CNTLN: variants seen among roughly 807,000 people sequenced by gnomAD.
CNTLN encodes the protein centlein.
A neutral mutation model predicts 180.0 loss-of-function variants in CNTLN; 212 were observed. The ratio of observed to expected loss-of-function variants is 1.18; its 90% CI spans 1.05 to 1.32. CNTLN has a LOEUF of 1.32. CNTLN is among the 40% of genes most tolerant of loss of function. The pLI is 0.00. For synonymous variants in CNTLN, 722 were observed against 563.1 expected (o/e 1.28, Z -3.99); for missense variants, 2,095 against 1,610.9 (o/e 1.30, Z -5.14).
chr9:17,528,324 C>T, the CNTLN span, among the ~76,000 whole-genome samples: 1 of 152,354 alleles, frequency 6.6e-6, no homozygotes, highest in Non-Finnish European at 1.5e-5. Flanking sequence ...TGTACCTTCA[C>T]ATGCTGTGAT....
At position 17,301,825 on chromosome 9, in the gene CNTLN, G is replaced by C. The variant is rs573490556; in HGVS notation, c.1146+3473G>C. 9.2e-6 allele frequency: 9 copies of C among 980,724 alleles called. No homozygotes were observed. In the South Asian group the frequency reaches 3.8e-4, roughly 41 times the overall value. The allele number at this position is 980,724 out of a possible 1,614,324, so 60.8% of individuals were successfully genotyped here. On this transcript the variant is annotated intron_variant, in intron 7 of 25. Coordinates refer to ENST00000380647, the MANE Select transcript of CNTLN (RefSeq NM_017738.4). ...AAGTCTTTTATAATTCCATCTCCCA[G>C]AGGCAAATACTGTGAACATTTTGAA...
At chr9:17,171,563 C>T (rs949226914) in intron 2 of CNTLN, among the ~76,000 whole-genome samples, 1 of 152,072 alleles carries the variant, frequency 6.6e-6, no homozygotes, top group Non-Finnish European at 1.5e-5. Flanking sequence ...CTCTTTTTCT[C>T]TTGTGCAGGA....
At chr9:17,496,374 T>G (rs999615625) in intron 25 of CNTLN, among the ~76,000 whole-genome samples, 2 of 152,206 alleles carry the variant, frequency 1.3e-5, no homozygotes, top group African/African-American at 4.8e-5. Context: ...CTTCCTGTTT[T>G]GTAGATCTTG....
Position 17,298,589 on chromosome 9 carries a change from G to T in CNTLN, c.1146+237G>T, listed in dbSNP as rs559519022. 86 of 1,095,652 alleles carry T rather than the reference G, an allele frequency of 7.8e-5. 1 individual carries two copies. Among genetic ancestry groups the T allele is most frequent in the Non-Finnish European group, 9.4e-5 (84 of 893,626 alleles). The allele number at this position is 1,095,652 out of a possible 1,614,324, so 67.9% of individuals were successfully genotyped here. ...TATAGATACAAACTTACTCTATAGGGTATTATTTTTATAAATTGGCATTCA... is the reference window on the plus strand; with the variant it reads ...TATAGATACAAACTTACTCTATAGGTTATTATTTTTATAAATTGGCATTCA... On this transcript the variant is annotated intron_variant, in intron 7 of 25. Transcript: ENST00000380647.
rs149581402 is a variant in CNTLN at position 17,454,466 on chromosome 9, A to C, written c.3115-3058A>C. On this transcript the variant is annotated intron_variant, in intron 18 of 25. Transcript: ENST00000380647. ...TGTAGTAGTGTAGGAGGGATCCTAG[A>C]TTGATTCTAGTCAAACAAGTAACTA... Among the ~76,000 whole-genome samples the C allele has an allele frequency of 2.1e-3, 316 of 152,304 alleles. 1 individual carries two copies. Among genetic ancestry groups the C allele is most frequent in the African/African-American group, 7.1e-3 (297 of 41,568 alleles).
At chr9:17,312,028 G>A (rs1819170899) in intron 8 of CNTLN, among the ~76,000 whole-genome samples, 1 of 151,788 alleles carries the variant, frequency 6.6e-6, no homozygotes, top group Non-Finnish European at 1.5e-5. Context: ...TTATATGCCT[G>A]TTCATATATG....
At chr9:17,141,868 G>A (rs987039015) in intron 1 of CNTLN, among the ~76,000 whole-genome samples, 1 of 152,052 alleles carries the variant, frequency 6.6e-6, no homozygotes, top group Non-Finnish European at 1.5e-5. Context: ...TAGATCATGA[G>A]GTCAGGAGTT....
intron 18 of CNTLN, among the ~76,000 whole-genome samples, chr9:17,429,327 T>C (rs534679330): frequency 6.6e-6 from 1 of 152,166 alleles, no homozygotes; most frequent in Admixed American, 6.5e-5. Context: ...GATTCAAGAA[T>C]TGTTAATGGA....
intron 2 of CNTLN, among the ~76,000 whole-genome samples, chr9:17,154,417 G>C (rs889296494): frequency 6.6e-6 from 1 of 152,304 alleles, no homozygotes; most frequent in Non-Finnish European, 1.5e-5. Flanking sequence ...GTGTGTTGGA[G>C]TTTGCTGGAG....
chr9:17,181,029 T>C (rs1193786935), intron 2 of CNTLN, among the ~76,000 whole-genome samples: 1 of 152,218 alleles, frequency 6.6e-6, no homozygotes, highest in Non-Finnish European at 1.5e-5. Flanking sequence ...TTGGTATAGA[T>C]TTATTTGAGA....
Position 17,147,214 on chromosome 9 carries a change from G to A in CNTLN, c.449+3838G>A, listed in dbSNP as rs540874966. ...GTAGATAGACTTCATTGTAGTGAATGAGAGTTAGGTCCTTTAAGTCAGGCC... is the reference window on the plus strand; with the variant it reads ...GTAGATAGACTTCATTGTAGTGAATAAGAGTTAGGTCCTTTAAGTCAGGCC... On this transcript the variant is annotated intron_variant, in intron 2 of 25. Coordinates refer to ENST00000380647, the MANE Select transcript of CNTLN (RefSeq NM_017738.4). Among the ~76,000 whole-genome samples, 49 of 152,320 alleles carry A rather than the reference G, an allele frequency of 3.2e-4. No homozygotes were observed. In the South Asian group the frequency reaches 9.3e-3, roughly 29 times the overall value.
At position 17,162,509 on chromosome 9, in the gene CNTLN, C is replaced by T. The variant is rs528506571; in HGVS notation, c.449+19133C>T. Among the ~76,000 whole-genome samples, 19 of 152,348 alleles carry T rather than the reference C, an allele frequency of 1.2e-4. 1 individual carries two copies. The highest frequency in any genetic ancestry group is 4.1e-4 in the African/African-American group (17 of 41,580). On this transcript the variant is annotated intron_variant, in intron 2 of 25. Transcript: ENST00000380647. ...TTAAGTTCCTATACTTTGTTACACA[C>T]TACCTTCACTAGAGATACACTAAGC...
chr9:17,303,550 G>A (rs1259760791), intron 7 of CNTLN, among the ~76,000 whole-genome samples: 1 of 143,108 alleles, frequency 7.0e-6, no homozygotes, highest in Non-Finnish European at 1.5e-5. Context: ...TTTTACTAAC[G>A]CTTTTTTTTT....
intron 23 of CNTLN, among the ~76,000 whole-genome samples, chr9:17,470,915 T>C: frequency 6.6e-6 from 1 of 152,074 alleles, no homozygotes; most frequent in East Asian, 1.9e-4. Context: ...TGAATACATT[T>C]GTGGAGCATT....
chr9:17,372,117 C>T (rs1273480820), intron 13 of CNTLN, among the ~76,000 whole-genome samples: 6 of 151,582 alleles, frequency 4.0e-5, no homozygotes, highest in Non-Finnish European at 7.4e-5. Context: ...AAGATCAGAG[C>T]AGAGATAAAT....
chr9:17,344,978 T>C (rs1347125284), intron 12 of CNTLN, among the ~76,000 whole-genome samples: 2 of 151,724 alleles, frequency 1.3e-5, no homozygotes, highest in African/African-American at 2.4e-5. Context: ...CACAGAATCA[T>C]ACAGGCTATT....
intron 13 of CNTLN, among the ~76,000 whole-genome samples, chr9:17,375,830 A>G (rs1487845424): frequency 6.6e-6 from 1 of 152,162 alleles, no homozygotes; most frequent in Non-Finnish European, 1.5e-5. Context: ...CTCAAATTGC[A>G]AGAGGATTAT....
At chr9:17,334,686 A>G (rs989763113) in intron 10 of CNTLN, among the ~76,000 whole-genome samples, 1 of 152,096 alleles carries the variant, frequency 6.6e-6, no homozygotes, top group Non-Finnish European at 1.5e-5. Context: ...TAAATATCAC[A>G]TGTTCTCATT....
chr9:17,507,452 A>C (rs1269216597), downstream of CNTLN, among the ~76,000 whole-genome samples: 2 of 152,162 alleles, frequency 1.3e-5, no homozygotes, highest in Admixed American at 6.6e-5. Flanking sequence ...TGCTATGAAC[A>C]TACAAAAGTA....
Sources: allele counts gnomAD v4.1 joint callset (sites outside exome capture counted in the v4.1 genomes callset), GRCh38; gene constraint gnomAD v4.1.1; transcripts MANE v1.5; gene names NCBI Gene and HGNC (gene_info 2026-07-23, HGNC 2026-07-21).